Variants in ACR observed in about 807,000 individuals in gnomAD.
The protein encoded by ACR is acrosin light and heavy chain prepropeptide.
ACR carries 17 observed loss-of-function variants against 26.0 expected under a neutral mutation model. That is an observed-to-expected ratio of 0.65 (90% CI 0.45 to 0.98). ACR has a LOEUF of 0.98. Among genes scored for constraint, ACR ranks in the 50% least tolerant of loss-of-function variants. The pLI is 0.00. For synonymous variants in ACR, 199 were observed against 207.7 expected, an observed-to-expected ratio of 0.96 and a Z score of 0.36; for missense variants, 435 against 519.3, an observed-to-expected ratio of 0.84 and a Z score of 1.58.
At position 50,744,210 on chromosome 22, in the gene ACR, A is replaced by G; in HGVS notation, c.711+4A>G. 6.2e-7 allele frequency: 1 copy of G among 1,611,802 alleles called. No individual in the cohort carries two copies. Among genetic ancestry groups the G allele is most frequent in the East Asian group, 2.2e-5 (1 of 44,868 alleles). On this transcript the variant is annotated splice_donor_region_variant and intron_variant, in intron 4 of 4. Transcript: ENST00000216139. ...AGGCAAGATCGACACCTGCCAGGTA[A>G]CCTTCCTTCTGGCTTCTGGGCCCCT...
At chr22:50,740,348 C>T (rs747786356) in intron 3 of ACR, 5 of 577,688 alleles carry the variant, frequency 8.7e-6, no homozygotes, top group South Asian at 2.0e-5. Context: ...ATGACAGTGC[C>T]TTCCACTCTC....
intron 3 of ACR, among the ~76,000 whole-genome samples, chr22:50,742,102 C>T (rs1454498196): frequency 1.3e-5 from 2 of 152,032 alleles, no homozygotes; most frequent in South Asian, 4.1e-4. Context: ...CGCCACTGCA[C>T]TCCAGCCTGG....
chr22:50,743,050 G>T lies in ACR; in HGVS notation c.566-1011G>T, dbSNP rs566641496. On this transcript the variant is annotated intron_variant, in intron 3 of 4. Coordinates refer to ENST00000216139, the MANE Select transcript of ACR (RefSeq NM_001097.3). ...AGTCCAGCGCTTTCTTTCTTTTTTT[G>T]TTTGAGACGGAGTCTCGCTCTGTGG... 1.3e-3 allele frequency among the ~76,000 whole-genome samples: 196 copies of T among 151,950 alleles called. 5 individuals carry two copies. The East Asian group carries it at 0.033, about 25-fold the overall frequency.
chr22:50,741,332 T>TG (rs1252215486), intron 3 of ACR, among the ~76,000 whole-genome samples: 3 of 152,054 alleles, frequency 2.0e-5, no homozygotes, highest in African/African-American at 7.2e-5. Flanking sequence ...CCTTCTGGCC[T>TG]GGAGTGACAG....
rs760402111 is a variant in ACR, at chr22:50,739,446, A to T, written c.253A>T (p.Thr85Ser). Residue 85 changes from threonine to serine, a missense_variant, in exon 2 of 5, where the codon ACT (threonine) becomes TCT (serine). Thr to Ser is a moderately conservative substitution (Grantham distance 58). This residue lies in a region of ACR where 314 missense variants were observed against 372.0 expected (regional missense o/e 0.84). Transcript: ENST00000216139. The surrounding 1 kb of genome is among the most constrained non-coding windows in gnomAD (Gnocchi z 5.5). ...GSLLNSRWVL[T>S]AAHCFVGKNN... is the part of the protein sequence containing the mutation. The stretch of plus-strand genomic sequence containing the variant: ...CTTGCTGAATTCACGATGGGTGCTC[A>T]CTGCTGCTCACTGCTTCGTCGGCAA... 10 of 1,614,158 alleles carry T rather than the reference A, an allele frequency of 6.2e-6. No individual in the cohort carries two copies. The highest frequency in any genetic ancestry group is 5.5e-5 in the South Asian group (5 of 91,078).
intron 3 of ACR, chr22:50,740,251 T>C: frequency 1.7e-6 from 1 of 582,488 alleles, no homozygotes; most frequent in South Asian, 1.9e-5. Context: ...ATTTGGCACC[T>C]GGGGCCCAAG....
Position 50,739,566 on chromosome 22 carries a change from G to A in ACR, c.281+92G>A. On this transcript the variant is annotated intron_variant, in intron 2 of 4. Coordinates refer to ENST00000216139, the MANE Select transcript of ACR (RefSeq NM_001097.3). The surrounding 1 kb of genome is among the most constrained non-coding windows in gnomAD (Gnocchi z 5.5). ...GGATGCTGTGCAGCGTCTCCCTGGGGCTCTGGGCCAAGTGGCTGCAAGACT... is the reference window on the plus strand; with the variant it reads ...GGATGCTGTGCAGCGTCTCCCTGGGACTCTGGGCCAAGTGGCTGCAAGACT... The A allele has an allele frequency of 6.3e-7, 1 of 1,579,176 alleles. No homozygotes were observed. The highest frequency in any genetic ancestry group is 1.3e-5 in the African/African-American group (1 of 74,490).
intron 3 of ACR, among the ~76,000 whole-genome samples, chr22:50,743,702 C>T (rs1000049898): frequency 2.0e-5 from 3 of 152,132 alleles, no homozygotes; most frequent in Non-Finnish European, 2.9e-5. Flanking sequence ...ATGGGAATAA[C>T]GGGACCATGT....
chr22:50,741,026 C>A (rs1372181391), intron 3 of ACR, among the ~76,000 whole-genome samples: 1 of 152,174 alleles, frequency 6.6e-6, no homozygotes, highest in Non-Finnish European at 1.5e-5. Context: ...CTGCATGTGA[C>A]CTATACTTCC....
At chr22:50,742,371 C>G (rs1415156975) in intron 3 of ACR, among the ~76,000 whole-genome samples, 2 of 151,436 alleles carry the variant, frequency 1.3e-5, no homozygotes, top group Non-Finnish European at 2.9e-5. Context: ...GGTGAAACCT[C>G]ATTTCTACTA....
chr22:50,743,059 G>A (rs1453063511), intron 3 of ACR, among the ~76,000 whole-genome samples: 9 of 152,008 alleles, frequency 5.9e-5, no homozygotes, highest in South Asian at 2.1e-4. Context: ...TGTTTGAGAC[G>A]GAGTCTCGCT....
chr22:50,739,120 C>T lies in ACR; in HGVS notation c.78-151C>T. ...ACCATTTCCTAGAGCCTGCGGCTTC[C>T]TACATAGCGCAGGCTGCCCCTGCTT... On this transcript the variant is annotated intron_variant, in intron 1 of 4. Transcript: ENST00000216139. This position sits in a 1 kb window ranked among gnomAD's most constrained non-coding sequence, Gnocchi z 5.5. 1.5e-6 allele frequency: 1 copy of T among 668,060 alleles called. No homozygotes were observed. Among genetic ancestry groups the T allele is most frequent in the Non-Finnish European group, 2.6e-6 (1 of 389,234 alleles). 41.4% of individuals were successfully genotyped at this position (668,060 alleles called of 1,614,324 possible). A position where few individuals can be genotyped will look rare whatever the true frequency, so the allele number is the denominator to read the frequency against.
rs370903765 is a variant in ACR at position 50,739,303 on chromosome 22, C to T, written c.110C>T (p.Pro37Leu). 3.8e-6 allele frequency: 6 copies of T among 1,595,436 alleles called. No homozygotes were observed. The highest frequency in any genetic ancestry group is 3.5e-5 in the Admixed American group (2 of 57,220). The change falls in exon 2 of 5, where the codon CCA becomes CTA. Residue 37 changes from proline to leucine, a missense_variant. Pro to Leu is a moderately conservative substitution (Grantham distance 98). This residue lies in a region of ACR where 314 missense variants were observed against 372.0 expected (regional missense o/e 0.84). Transcript: ENST00000216139. This position sits in a 1 kb window ranked among gnomAD's most constrained non-coding sequence, Gnocchi z 5.5. ...GPCGLRFRQN[P>L]QGGVRIVGGK... ...TGTGGGTTACGGTTCAGGCAAAACC[C>T]ACAGGGTGGTGTCCGCATCGTCGGC...
chr22:50,744,396 C>T (rs2083440012), intron 4 of ACR, 190 bp downstream of exon 4: 1 of 639,610 alleles, frequency 1.6e-6, no homozygotes. Flanking sequence ...GTGACAGCCA[C>T]CGGCTGCCCC....
chr22:50,743,281 CG>C (rs967271542), intron 3 of ACR, among the ~76,000 whole-genome samples: 1 of 152,092 alleles, frequency 6.6e-6, no homozygotes, highest in East Asian at 1.9e-4. Context: ...GTGATCCGCC[CG>C]CCTCGGCCTC....
chr22:50,740,673 C>T (rs751206114), intron 3 of ACR: 8 of 702,420 alleles, frequency 1.1e-5, no homozygotes, highest in African/African-American at 3.5e-5. Flanking sequence ...GTGTAGCTGT[C>T]GCTCTAGAGC....
chr22:50,744,709 C>G lies in ACR; in HGVS notation c.768C>G (p.Val256=). The G allele has an allele frequency of 6.2e-7, 1 of 1,613,394 alleles. No individual in the cohort carries two copies. Among genetic ancestry groups the G allele is most frequent in the Non-Finnish European group, 8.5e-7 (1 of 1,179,806 alleles). ...CKDSKESAYV[V]VGITSWGVGC... is the part of the protein sequence containing the mutation. Reference sequence around the variant, plus strand: ...ACAGCAAGGAAAGCGCCTATGTGGTCGTGGGAATCACAAGCTGGGGGGTAG... The same window carrying G: ...ACAGCAAGGAAAGCGCCTATGTGGTGGTGGGAATCACAAGCTGGGGGGTAG... The change falls in exon 5 of 5, where the codon GTC becomes GTG. Residue 256 remains valine, a synonymous_variant. Transcript: ENST00000216139.
At chr22:50,742,501 G>A (rs1254353234) in intron 3 of ACR, among the ~76,000 whole-genome samples, 3 of 148,262 alleles carry the variant, frequency 2.0e-5, no homozygotes, top group Admixed American at 1.4e-4. Flanking sequence ...CCGAGATGGC[G>A]CCACCGCACT....
rs1290194627 is a variant in ACR, at chr22:50,740,085, C to T, written c.565+108C>T. On this transcript the variant is annotated intron_variant, in intron 3 of 4. Transcript: ENST00000216139. The stretch of plus-strand genomic sequence containing the variant: ...ACCCAGCCAGGCTGCTTTCATCCTC[C>T]TCACGGCGCTACACGTAGAGCCATC... 5 of 1,396,208 alleles carry T rather than the reference C, an allele frequency of 3.6e-6. No individual in the cohort carries two copies. The Admixed American group carries it at 7.2e-5, about 20-fold the overall frequency. The allele number at this position is 1,396,208 out of a possible 1,614,324, so 86.5% of individuals were successfully genotyped here. A position where few individuals can be genotyped will look rare whatever the true frequency, so the allele number is the denominator to read the frequency against.
Sources: allele counts gnomAD v4.1 joint callset (sites outside exome capture counted in the v4.1 genomes callset), GRCh38; gene constraint gnomAD v4.1.1; regional missense constraint gnomAD v4.1.1; non-coding constraint Gnocchi (gnomAD v3.1); transcripts MANE v1.5; gene names NCBI Gene and HGNC (gene_info 2026-07-23, HGNC 2026-07-21).